NEK2: variants seen among roughly 807,000 people sequenced by gnomAD.
NEK2 encodes the protein serine/threonine-protein kinase Nek2.
In NEK2, 28 loss-of-function variants were observed where a neutral mutation model predicts 54.1. The observed-to-expected ratio is 0.52, with a 90% CI of 0.38 to 0.71. NEK2 has a LOEUF of 0.71. Among genes scored for constraint, NEK2 ranks in the 30% least tolerant of loss-of-function variants. NEK2 has a pLI of 0.00. For missense variants in NEK2, 407 were observed against 531.5 expected, an observed-to-expected ratio of 0.77 and a Z score of 2.30; for synonymous variants, 176 against 193.1, an observed-to-expected ratio of 0.91 and a Z score of 0.73.
chr1:211,671,876 C>A (rs1655403756), intron 3 of NEK2, among the ~76,000 whole-genome samples: 1 of 152,174 alleles, frequency 6.6e-6, no homozygotes, highest in African/African-American at 2.4e-5. Context: ...TCTGATGCCA[C>A]TTTTTGACAA....
chr1:211,668,929 A>G (rs1461873419), intron 6 of NEK2, among the ~76,000 whole-genome samples, 184 bp downstream of exon 6: 3 of 152,226 alleles, frequency 2.0e-5, no homozygotes, highest in Non-Finnish European at 2.9e-5. Context: ...GATGTCCAAC[A>G]TGAAGGTGCC....
intron 7 of NEK2, among the ~76,000 whole-genome samples, chr1:211,664,305 G>A (rs1332534903): frequency 3.3e-5 from 5 of 152,062 alleles, no homozygotes; most frequent in Non-Finnish European, 7.4e-5. Context: ...AGAATTACTG[G>A]GGGCTGGAGG....
chr1:211,670,331 G>A lies in NEK2; in HGVS notation c.715C>T (p.Arg239Cys), dbSNP rs763642279. ...ATTTCATTCAATTCATCAGAGTAAC[G>A]GTATGGAATTCGCCTGAATTTGCCT... ...REGKFRRIPY[R>C]YSDELNEIIT... Residue 239 changes from arginine to cysteine, a missense_variant, in exon 5 of 8, where the codon CGT becomes TGT. Transcript: ENST00000366999. 8 of 1,612,434 alleles carry A rather than the reference G, an allele frequency of 5.0e-6. No homozygotes were observed. The highest frequency in any genetic ancestry group is 1.3e-5 in the African/African-American group (1 of 74,820).
downstream of NEK2, chr1:211,660,474 G>A (rs1654989670): frequency 5.9e-6 from 4 of 677,044 alleles, no homozygotes; most frequent in Non-Finnish European, 1.1e-5. Flanking sequence ...TGTCCTAGAT[G>A]GCAGTGCCAA....
At chr1:211,671,466 T>A in intron 3 of NEK2, among the ~76,000 whole-genome samples, 182 bp from the exon 4 acceptor site, 1 of 152,242 alleles carries the variant, frequency 6.6e-6, no homozygotes, top group East Asian at 1.9e-4. Context: ...CACTCCATCA[T>A]ACATAATTCA....
downstream of NEK2, chr1:211,661,072 C>A: frequency 1.3e-6 from 1 of 742,698 alleles, no homozygotes; most frequent in African/African-American, 1.7e-5. Context: ...CCGTCAAACC[C>A]CGGTGATAAC....
chr1:211,674,834 C>T (rs906242761), intron 1 of NEK2, among the ~76,000 whole-genome samples: 9 of 152,200 alleles, frequency 5.9e-5, no homozygotes, highest in Non-Finnish European at 1.0e-4. Context: ...GTCAAAGTCC[C>T]TGCCCCATTC....
downstream of NEK2, among the ~76,000 whole-genome samples, chr1:211,659,225 GAA>G (rs60196312): frequency 6.0e-5 from 9 of 149,130 alleles, no homozygotes; most frequent in African/African-American, 1.2e-4. Flanking sequence ...ACATAAAACA[GAA>G]AAAAAAAAGA....
At position 211,674,431 on chromosome 1, in the gene NEK2, C is replaced by T. The variant is rs769815273; in HGVS notation, c.179G>A (p.Arg60His). The part of the protein sequence containing the change: ...QMLVSEVNLL[R>H]ELKHPNIVRY... ...AACGATGTTTGGATGTTTCAGTTCACGAAGCAAATTCACTTCAGAAACAAG... is the reference window on the plus strand; with the variant it reads ...AACGATGTTTGGATGTTTCAGTTCATGAAGCAAATTCACTTCAGAAACAAG... Residue 60 changes from arginine to histidine, a missense_variant, in exon 2 of 8, where the codon CGT (arginine) becomes CAT (histidine). Arg to His is a conservative substitution (Grantham distance 29, BLOSUM62 0). Coordinates refer to ENST00000366999, the MANE Select transcript of NEK2 (RefSeq NM_002497.4). 9.3e-6 allele frequency: 15 copies of T among 1,614,098 alleles called. No homozygotes were observed. The highest frequency in any genetic ancestry group is 1.3e-5 in the African/African-American group (1 of 75,026).
intron 7 of NEK2, among the ~76,000 whole-genome samples, chr1:211,664,911 C>T (rs1292375970): frequency 6.6e-6 from 1 of 152,210 alleles, no homozygotes; most frequent in Non-Finnish European, 1.5e-5. Context: ...AGCTGTAGTG[C>T]ACTACAGCCT....
Position 211,673,662 on chromosome 1 carries a change from C to T in NEK2, c.376G>A (p.Glu126Lys). The change falls in exon 3 of 8, where the codon GAA (glutamate) becomes AAA (lysine). Residue 126 changes from glutamate (E) to lysine (K), a missense_variant. Glu to Lys is a moderately conservative substitution (Grantham distance 56). Transcript: ENST00000366999. ...CCACCATCACTTCGTCTGTGGCATT[C>T]CTTCAGGGCCAGAGTCAACTGAGTC... ...VMTQLTLALK[E>K]CHRRSDGGHT... 1.9e-6 allele frequency: 3 copies of T among 1,614,138 alleles called. No homozygotes were observed. Among genetic ancestry groups the T allele is most frequent in the Non-Finnish European group, 2.5e-6 (3 of 1,180,030 alleles).
At position 211,675,387 on chromosome 1, in the gene NEK2, G is replaced by T. The variant is rs760883351; in HGVS notation, c.93C>A (p.Gly31=). Reference sequence around the variant, plus strand: ...GCAGGGTAGGTCCCACGCTCACCTTGCCATCACTCTTCCTCCGGATCTTCT... The same window carrying T: ...GCAGGGTAGGTCCCACGCTCACCTTTCCATCACTCTTCCTCCGGATCTTCT... ...RCQKIRRKSD[G]KILVWKELDY... is the part of the protein sequence containing the mutation. Residue 31 remains glycine, a synonymous_variant, in exon 1 of 8, where the codon GGC becomes GGA. Transcript: ENST00000366999. 4 of 1,613,686 alleles carry T rather than the reference G, an allele frequency of 2.5e-6. No individual in the cohort carries two copies. The highest frequency in any genetic ancestry group is 3.4e-6 in the Non-Finnish European group (4 of 1,179,620).
At chr1:211,673,846 A>G in intron 2 of NEK2, 123 bp from the exon 3 acceptor site, 1 of 1,040,540 alleles carries the variant, frequency 9.6e-7, no homozygotes, top group African/African-American at 1.6e-5. Flanking sequence ...ATTTTTTGAG[A>G]CAGGGTCTTA....
intron 1 of NEK2, among the ~76,000 whole-genome samples, 184 bp downstream of exon 1, chr1:211,675,200 G>T (rs1431956022): frequency 1.3e-5 from 2 of 152,244 alleles, no homozygotes; most frequent in Non-Finnish European, 2.9e-5. Context: ...TATATCAAAA[G>T]AAGCGGTCTC....
chr1:211,660,531 C>G (rs1654990792), downstream of NEK2: 4 of 640,292 alleles, frequency 6.2e-6, no homozygotes, highest in African/African-American at 7.3e-5. Flanking sequence ...AGTGATCATC[C>G]TGAATCTTAA....
chr1:211,667,288 A>T, intron 6 of NEK2, 57 bp from the exon 7 acceptor site: 23 of 1,529,340 alleles, frequency 1.5e-5, no homozygotes, highest in Non-Finnish European at 2.0e-5. Context: ...TGACTAAAAA[A>T]CAATTTACAT....
chr1:211,660,413 GT>G (rs1021328516), downstream of NEK2: 6 of 697,058 alleles, frequency 8.6e-6, no homozygotes, highest in African/African-American at 7.1e-5. Context: ...ATCTGGTACT[GT>G]TTTGGAGTGG....
intron 2 of NEK2, 36 bp downstream of exon 2, chr1:211,674,260 C>A (rs1655500724): frequency 1.3e-6 from 2 of 1,528,056 alleles, no homozygotes; most frequent in African/African-American, 1.4e-5. Context: ...GAAACTAGAC[C>A]AATTTCAGCT....
intron 4 of NEK2, 117 bp downstream of exon 4, chr1:211,671,085 C>T: frequency 1.3e-6 from 1 of 759,942 alleles, no homozygotes. Context: ...ACCCAGGGTA[C>T]AATTCTTTCA....
Sources: allele counts gnomAD v4.1 joint callset (sites outside exome capture counted in the v4.1 genomes callset), GRCh38; gene constraint gnomAD v4.1.1; transcripts MANE v1.5; gene names NCBI Gene and HGNC (gene_info 2026-07-23, HGNC 2026-07-21).